UPF2: variants seen among roughly 807,000 people sequenced by gnomAD.
UPF2 encodes the protein UPF2 regulator of nonsense mediated mRNA decay.
UPF2 carries 17 observed loss-of-function variants against 141.4 expected under a neutral mutation model. That is an observed-to-expected ratio of 0.12 (90% CI 0.08 to 0.18). The LOEUF (loss-of-function observed/expected upper bound fraction) is 0.18. Ranked by LOEUF, UPF2 falls within the 10% of genes least tolerant of loss-of-function variation. The pLI is 1.00. For synonymous variants in UPF2, 540 were observed against 498.0 expected, an observed-to-expected ratio of 1.08 and a Z score of -1.12; for missense variants, 1,152 against 1,515.9, an observed-to-expected ratio of 0.76 and a Z score of 3.99.
intron 9 of UPF2, among the ~76,000 whole-genome samples, chr10:11,969,632 T>C (rs1833381992): frequency 6.6e-6 from 1 of 152,248 alleles, no homozygotes; most frequent in African/African-American, 2.4e-5. Flanking sequence ...ACAGCCTTCA[T>C]AAAGAAACTT....
At chr10:11,977,047 G>T (rs1018084319) in intron 9 of UPF2, among the ~76,000 whole-genome samples, 1 of 152,236 alleles carries the variant, frequency 6.6e-6, no homozygotes, top group African/African-American at 2.4e-5. Flanking sequence ...GCACAGTTTC[G>T]AATCTGCAGA....
At chr10:11,986,467 T>G (rs1833694081) in intron 8 of UPF2, among the ~76,000 whole-genome samples, 1 of 152,028 alleles carries the variant, frequency 6.6e-6, no homozygotes, top group Non-Finnish European at 1.5e-5. Context: ...TTCTTATGGG[T>G]TTTCATCTCC....
chr10:12,004,786 T>G, intron 4 of UPF2, 59 bp from the exon 5 acceptor site: 1 of 1,515,698 alleles, frequency 6.6e-7, no homozygotes, highest in Non-Finnish European at 9.0e-7. Flanking sequence ...ATGATAAACA[T>G]GACATAAGTT....
intron 3 of UPF2, among the ~76,000 whole-genome samples, chr10:12,027,064 C>T (rs1336233609): frequency 2.0e-5 from 3 of 152,128 alleles, no homozygotes; most frequent in Admixed American, 2.0e-4. Context: ...TGTATTCCAT[C>T]CATACCAGAA....
chr10:12,010,505 T>C (rs974825997), intron 4 of UPF2, among the ~76,000 whole-genome samples: 2 of 152,058 alleles, frequency 1.3e-5, no homozygotes, highest in African/African-American at 2.4e-5. Context: ...ATTAGTGAAC[T>C]TGAAGACATA....
At chr10:11,958,418 G>A (rs992192580) in intron 12 of UPF2, among the ~76,000 whole-genome samples, 1 of 152,092 alleles carries the variant, frequency 6.6e-6, no homozygotes, top group African/African-American at 2.4e-5. Context: ...AACGAAGCTG[G>A]TATGAGAACT....
At chr10:11,970,657 C>A (rs898105505) in intron 9 of UPF2, among the ~76,000 whole-genome samples, 1 of 151,938 alleles carries the variant, frequency 6.6e-6, no homozygotes, top group Non-Finnish European at 1.5e-5. Flanking sequence ...ACTAAAAATA[C>A]AAAAATTAGC....
chr10:12,000,072 AATG>A (rs1283549742), intron 6 of UPF2, 63 bp from the exon 7 acceptor site: 1 of 1,356,558 alleles, frequency 7.4e-7, no homozygotes, highest in African/African-American at 1.5e-5. Context: ...AAAAACATCC[AATG>A]ATGAATTATT....
chr10:11,937,726 T>C (rs1022697234), intron 18 of UPF2, among the ~76,000 whole-genome samples: 1 of 152,160 alleles, frequency 6.6e-6, no homozygotes, highest in African/African-American at 2.4e-5. Flanking sequence ...TCTTAGAAAC[T>C]GCTCTACCAC....
chr10:12,002,983 A>ACT (rs1833977038), intron 5 of UPF2, among the ~76,000 whole-genome samples: 2 of 152,210 alleles, frequency 1.3e-5, no homozygotes, highest in South Asian at 2.1e-4. Flanking sequence ...GAACACAGAA[A>ACT]TGTCTTACTG....
chr10:12,041,085 G>A (rs904789036), intron 1 of UPF2, among the ~76,000 whole-genome samples: 1 of 152,108 alleles, frequency 6.6e-6, no homozygotes, highest in African/African-American at 2.4e-5. Context: ...CAAACACCGT[G>A]ATTCACCTCA....
rs746117868 is a variant in UPF2, at chr10:11,985,884, C to CTTTTTTTTTTTTT, written c.1845-6732_1845-6720dup. Among the ~76,000 whole-genome samples, 992 of 100,648 alleles carry CTTTTTTTTTTTTT rather than the reference C, an allele frequency of 9.9e-3. 62 individuals carry two copies. The highest frequency in any genetic ancestry group is 0.018 in the African/African-American group (414 of 23,622). The allele number at this position is 100,648 out of a possible 152,430, so 66.0% of individuals were successfully genotyped here. A position where few individuals can be genotyped will look rare whatever the true frequency, so the allele number is the denominator to read the frequency against. On this transcript the variant is annotated intron_variant, in intron 8 of 21. Coordinates refer to ENST00000357604, the MANE Select transcript of UPF2 (RefSeq NM_015542.4). ...CAACTGAAAAATAATTAGATCCTTC[C>CTTTTTTTTTTTTT]TTTTTTTTTTTTTTTTGTGAGACGG...
At chr10:11,934,697 C>T (rs1199961363) in intron 19 of UPF2, among the ~76,000 whole-genome samples, 1 of 152,194 alleles carries the variant, frequency 6.6e-6, no homozygotes, top group Non-Finnish European at 1.5e-5. Context: ...TCAAGTGATT[C>T]TCCTGCCTCA....
intron 16 of UPF2, among the ~76,000 whole-genome samples, chr10:11,945,415 C>T (rs1157916300): frequency 6.6e-6 from 1 of 152,208 alleles, no homozygotes; most frequent in African/African-American, 2.4e-5. Context: ...TAATAAATTT[C>T]TCCTCCTTAT....
At chr10:11,999,878 G>A in intron 7 of UPF2, 28 bp downstream of exon 7, 2 of 1,585,304 alleles carry the variant, frequency 1.3e-6, no homozygotes, top group Non-Finnish European at 1.7e-6. Flanking sequence ...CCATGTGCTT[G>A]AATAAAGTTA....
At chr10:11,947,786 C>CA (rs58897556) in intron 16 of UPF2, among the ~76,000 whole-genome samples, 4,990 of 65,292 alleles carry the variant, frequency 0.076, 276 homozygotes, top group Non-Finnish European at 0.11. Flanking sequence ...AACCTTGTCT[C>CA]AAAAAAAAAA....
chr10:11,968,678 T>C (rs1833363222), intron 9 of UPF2, among the ~76,000 whole-genome samples: 1 of 152,192 alleles, frequency 6.6e-6, no homozygotes, highest in Non-Finnish European at 1.5e-5. Context: ...AGGCACAAAT[T>C]TCAAGAATTA....
rs1833900035 is a variant in UPF2, at chr10:11,998,529, G to A, written c.1759-772C>T. ...CCCGGCCAAGCAGCTGAGACTATAG[G>A]CATGTGTAGTTAAGGTTGAAACATA... On this transcript the variant is annotated intron_variant, in intron 7 of 21. Coordinates refer to ENST00000357604, the MANE Select transcript of UPF2 (RefSeq NM_015542.4). The surrounding 1 kb of genome is among the most constrained non-coding windows in gnomAD (Gnocchi z 4.5). Among the ~76,000 whole-genome samples, 1 of 152,006 alleles carries A rather than the reference G, an allele frequency of 6.6e-6. No homozygotes were observed. The highest frequency in any genetic ancestry group is 6.6e-5 in the Admixed American group (1 of 15,240).
chr10:11,963,324 G>A (rs111887431), intron 11 of UPF2, among the ~76,000 whole-genome samples: 16 of 146,344 alleles, frequency 1.1e-4, no homozygotes, highest in African/African-American at 3.4e-4. Context: ...CTAGCTGTGT[G>A]AGTATTCATT....
Sources: gnomAD v4.1 joint callset for allele counts (sites outside exome capture counted in the v4.1 genomes callset) on GRCh38, gnomAD v4.1.1 for gene constraint, Gnocchi (gnomAD v3.1) non-coding constraint, MANE v1.5 for transcripts, NCBI Gene and HGNC (gene_info 2026-07-23, HGNC 2026-07-21) for gene names.